The following GRIN2A variants were observed in gnomAD, a reference collection of about 807,000 sequenced individuals.
The protein encoded by GRIN2A is glutamate ionotropic receptor NMDA type subunit 2A, also known as glutamate receptor ionotropic, NMDA 2A.
Under a neutral mutation model 113.4 loss-of-function variants are expected in GRIN2A, and 22 were observed. That is an observed-to-expected ratio of 0.19 (90% confidence interval 0.14 to 0.28). The LOEUF is 0.28. Ranked by LOEUF, GRIN2A falls within the 10% of genes least tolerant of loss-of-function variation. The probability of loss-of-function intolerance (pLI) is 1.00; values close to 1 mark genes in which losing one functional copy is unlikely to be tolerated. For missense variants in GRIN2A, 1,502 were observed against 1,887.0 expected (o/e 0.80, Z 3.78); for synonymous variants, 827 against 738.4 (o/e 1.12, Z -1.94).
At chr16:9,889,446 T>A (rs1221913484) in intron 4 of GRIN2A, among the ~76,000 whole-genome samples, 1 of 152,152 alleles carries the variant, frequency 6.6e-6, no homozygotes, top group Non-Finnish European at 1.5e-5. Flanking sequence ...TTTCTATGGC[T>A]TGTGTTCCAC....
At chr16:10,170,444 A>C (rs2050018498) in intron 2 of GRIN2A, among the ~76,000 whole-genome samples, 2 of 152,250 alleles carry the variant, frequency 1.3e-5, no homozygotes, top group South Asian at 4.1e-4. Context: ...ACAATACAAA[A>C]ATATATTGTA....
At chr16:9,889,328 T>C (rs1446210610) in intron 4 of GRIN2A, among the ~76,000 whole-genome samples, 1 of 152,202 alleles carries the variant, frequency 6.6e-6, no homozygotes, top group African/African-American at 2.4e-5. Context: ...TCTTGCATTT[T>C]TAATATTGGC....
At chr16:10,068,565 C>T (rs1346331536) in intron 2 of GRIN2A, among the ~76,000 whole-genome samples, 1 of 152,182 alleles carries the variant, frequency 6.6e-6, no homozygotes, top group Non-Finnish European at 1.5e-5. Context: ...AAGCCATTCA[C>T]AAGGGATCCA....
chr16:9,851,647 G>A (rs1456642079), intron 4 of GRIN2A, among the ~76,000 whole-genome samples: 1 of 152,156 alleles, frequency 6.6e-6, no homozygotes, highest in Non-Finnish European at 1.5e-5. Flanking sequence ...CAACCTTCGA[G>A]AGAGGGTGGG....
At chr16:9,912,094 G>A (rs2044152564) in intron 3 of GRIN2A, among the ~76,000 whole-genome samples, 1 of 150,984 alleles carries the variant, frequency 6.6e-6, no homozygotes, top group African/African-American at 2.5e-5. Flanking sequence ...TGAGGATGAT[G>A]GTGATGGTGG....
At chr16:9,860,243 A>G (rs1414751543) in intron 4 of GRIN2A, among the ~76,000 whole-genome samples, 1 of 151,766 alleles carries the variant, frequency 6.6e-6, no homozygotes, top group African/African-American at 2.4e-5. Context: ...ATCCCTCGAG[A>G]TCAGGAGTTC....
chr16:10,101,916 A>G (rs922788521), intron 2 of GRIN2A, among the ~76,000 whole-genome samples: 4 of 152,244 alleles, frequency 2.6e-5, no homozygotes, highest in African/African-American at 9.6e-5. Context: ...TTTCTAGAAC[A>G]TCGAGCCACT....
intron 2 of GRIN2A, among the ~76,000 whole-genome samples, chr16:10,020,303 G>A (rs2046695439): frequency 6.6e-6 from 1 of 152,148 alleles, no homozygotes; most frequent in Non-Finnish European, 1.5e-5. Context: ...TGTAGTCCCA[G>A]CTACTTGAGA....
chr16:9,828,499 AG>A (rs2042428245), intron 9 of GRIN2A, among the ~76,000 whole-genome samples: 1 of 152,234 alleles, frequency 6.6e-6, no homozygotes, highest in East Asian at 1.9e-4. Flanking sequence ...TATGTCAAAA[AG>A]ATATGTTAGC....
At chr16:9,847,430 T>A (rs2042791866) in intron 5 of GRIN2A, among the ~76,000 whole-genome samples, 1 of 151,708 alleles carries the variant, frequency 6.6e-6, no homozygotes, top group Non-Finnish European at 1.5e-5. Context: ...CCAGACATGG[T>A]GGCACAGGCC....
intron 2 of GRIN2A, among the ~76,000 whole-genome samples, chr16:9,993,788 G>A (rs943421296): frequency 6.6e-6 from 1 of 151,982 alleles, no homozygotes; most frequent in African/African-American, 2.4e-5. Flanking sequence ...ACCCCCATTC[G>A]TAAAGACCCC....
Position 9,784,441 on chromosome 16 carries a change from C to CAAAAAA in GRIN2A, c.2356+13830_2356+13835dup, listed in dbSNP as rs71400493. On this transcript the variant is annotated intron_variant, in intron 11 of 12. Transcript: ENST00000330684. The stretch of plus-strand genomic sequence containing the variant: ...GCAAAACTCTAACAACAACAACAAC[C>CAAAAAA]AAAAAAAAAAAACAAACAAACAAAA... Among the ~76,000 whole-genome samples, 67 of 126,654 alleles carry CAAAAAA rather than the reference C, an allele frequency of 5.3e-4. 1 individual carries two copies. In the South Asian group the frequency reaches 6.2e-3, roughly 12 times the overall value. The allele number at this position is 126,654 out of a possible 152,430, so 83.1% of individuals were successfully genotyped here.
rs1474324408 is a variant in GRIN2A, at chr16:9,760,240, C to G, written c.*2909G>C. 2 of 228,482 alleles carry G rather than the reference C, an allele frequency of 8.8e-6. No individual in the cohort carries two copies. The highest frequency in any genetic ancestry group is 1.7e-5 in the Non-Finnish European group (2 of 115,172). 14.2% of individuals were successfully genotyped at this position (228,482 alleles called of 1,614,324 possible). A position where few individuals can be genotyped will look rare whatever the true frequency, so the allele number is the denominator to read the frequency against. ...GCTTCCTATTTAATTCTTGTTACTT[C>G]TCATACTGTGGGTTCCATTTACCAC... On this transcript the variant is annotated 3_prime_UTR_variant, in exon 13 of 13. Transcript: ENST00000330684.
intron 2 of GRIN2A, among the ~76,000 whole-genome samples, chr16:10,003,668 T>A (rs544285023): frequency 6.6e-6 from 1 of 152,276 alleles, no homozygotes; most frequent in South Asian, 2.1e-4. Flanking sequence ...TAAAACCTTA[T>A]GCAAATGAAG....
intron 2 of GRIN2A, among the ~76,000 whole-genome samples, chr16:10,031,734 T>C (rs966780675): frequency 4.6e-5 from 7 of 152,228 alleles, no homozygotes; most frequent in African/African-American, 1.7e-4. Context: ...CTTTAAAATC[T>C]TTAGTGGTTT....
chr16:10,071,596 G>T (rs935978738), intron 2 of GRIN2A, among the ~76,000 whole-genome samples: 1 of 152,206 alleles, frequency 6.6e-6, no homozygotes, highest in Non-Finnish European at 1.5e-5. Flanking sequence ...GGATTGGAGT[G>T]GAGTTTGGGA....
intron 2 of GRIN2A, among the ~76,000 whole-genome samples, chr16:10,167,235 G>A (rs1426210043): frequency 2.6e-5 from 4 of 152,086 alleles, no homozygotes; most frequent in Admixed American, 6.6e-5. Context: ...TTATGAACAC[G>A]CACTCCTCTG....
intron 2 of GRIN2A, among the ~76,000 whole-genome samples, chr16:10,067,416 A>T (rs74005665): frequency 0.044 from 6,663 of 152,324 alleles, 556 homozygotes; most frequent in African/African-American, 0.15. Context: ...TGTGCTATTT[A>T]GGCAAAATAA....
chr16:9,911,618 C>G (rs995983200), intron 3 of GRIN2A, among the ~76,000 whole-genome samples: 1 of 152,036 alleles, frequency 6.6e-6, no homozygotes, highest in Non-Finnish European at 1.5e-5. Context: ...TTAATATTAG[C>G]CCATGAATGT....
Sources: gnomAD v4.1 joint callset for allele counts (sites outside exome capture counted in the v4.1 genomes callset) on GRCh38, gnomAD v4.1.1 for gene constraint, MANE v1.5 for transcripts, NCBI Gene and HGNC (gene_info 2026-07-23, HGNC 2026-07-21) for gene names.